The following PPP2R3A variants were observed in gnomAD, a reference collection of about 807,000 sequenced individuals.
PPP2R3A encodes the protein serine/threonine-protein phosphatase 2A regulatory subunit B'' subunit alpha.
A neutral mutation model predicts 106.9 loss-of-function variants in PPP2R3A; 80 were observed. That is an observed-to-expected ratio of 0.75 (90% CI 0.62 to 0.90). The LOEUF is 0.90. Ranked by LOEUF, PPP2R3A falls within the 40% of genes least tolerant of loss-of-function variation. PPP2R3A has a pLI of 0.00. For synonymous variants in PPP2R3A, 483 were observed against 468.3 expected (o/e 1.03, Z -0.41); for missense variants, 1,386 against 1,350.4 (o/e 1.03, Z -0.41).
intron 2 of PPP2R3A, among the ~76,000 whole-genome samples, chr3:136,024,928 G>A (rs1484849295): frequency 1.3e-5 from 2 of 152,252 alleles, no homozygotes; most frequent in East Asian, 3.9e-4. Context: ...TACAGATTTA[G>A]CATTAAGGCA....
intron 2 of PPP2R3A, among the ~76,000 whole-genome samples, chr3:136,021,740 T>G (rs1007702963): frequency 6.6e-6 from 1 of 152,164 alleles, no homozygotes; most frequent in African/African-American, 2.4e-5. Flanking sequence ...ATCAATGTGT[T>G]CTACATCTAG....
In PPP2R3A at chr3:135,968,152, G is replaced by T. The variant is rs373551220; in HGVS notation, c.-441+2303G>T. 2.0e-5 allele frequency among the ~76,000 whole-genome samples: 3 copies of T among 152,244 alleles called. No individual in the cohort carries two copies. The East Asian group carries it at 5.8e-4, about 29-fold the overall frequency. Reference sequence around the variant, plus strand: ...TTATTTATTTAACAGATTTCTGAAGGCCTGTTTTGCCAACTGGACACTAGA... The same window carrying T: ...TTATTTATTTAACAGATTTCTGAAGTCCTGTTTTGCCAACTGGACACTAGA... On this transcript the variant is annotated intron_variant, in intron 1 of 13. Transcript: ENST00000264977.
chr3:135,985,480 C>A (rs1163137335), intron 1 of PPP2R3A, among the ~76,000 whole-genome samples: 2 of 151,914 alleles, frequency 1.3e-5, no homozygotes, highest in Non-Finnish European at 2.9e-5. Flanking sequence ...GAATACAAGC[C>A]CAAGATTAGA....
intron 3 of PPP2R3A, among the ~76,000 whole-genome samples, chr3:136,037,362 C>CA (rs1181197458): frequency 2.0e-5 from 3 of 152,148 alleles, no homozygotes; most frequent in East Asian, 1.9e-4. Context: ...GAATGAATCT[C>CA]AGAGAAATGA....
intron 5 of PPP2R3A, chr3:136,055,626 C>G: frequency 7.4e-7 from 1 of 1,359,820 alleles, no homozygotes; most frequent in Non-Finnish European, 1.0e-6. Context: ...TTAACACCTG[C>G]CTGCCAATGG....
intron 5 of PPP2R3A, among the ~76,000 whole-genome samples, chr3:136,062,679 C>T (rs1276264453): frequency 6.8e-6 from 1 of 147,050 alleles, no homozygotes; most frequent in Admixed American, 6.8e-5. Flanking sequence ...GATCATGCCA[C>T]TGCACTCCAG....
At chr3:136,090,449 T>C in intron 9 of PPP2R3A, 129 bp from the exon 10 acceptor site, 1 of 660,760 alleles carries the variant, frequency 1.5e-6, no homozygotes, top group South Asian at 2.1e-5. Flanking sequence ...GGGTTGCCCT[T>C]TATGAGGCAT....
At chr3:136,005,707 ATACC>A (rs1301571094) in intron 2 of PPP2R3A, among the ~76,000 whole-genome samples, 7 of 152,194 alleles carry the variant, frequency 4.6e-5, no homozygotes, top group African/African-American at 7.2e-5. Context: ...AGGAAAGAAA[ATACC>A]TACATAGCAA....
intron 10 of PPP2R3A, among the ~76,000 whole-genome samples, chr3:136,091,830 C>G (rs1452261330): frequency 1.3e-5 from 2 of 152,018 alleles, no homozygotes; most frequent in African/African-American, 4.8e-5. Context: ...CATATATATG[C>G]TACTCTTTTT....
chr3:136,087,250 T>TCC (rs1331269638), intron 8 of PPP2R3A, among the ~76,000 whole-genome samples: 5 of 91,910 alleles, frequency 5.4e-5, no homozygotes, highest in Non-Finnish European at 1.0e-4. Flanking sequence ...GTCGTGTCTC[T>TCC]CTCTCTCTCT....
chr3:136,059,100 C>T (rs929773060), intron 5 of PPP2R3A, among the ~76,000 whole-genome samples: 2 of 152,098 alleles, frequency 1.3e-5, no homozygotes, highest in African/African-American at 4.8e-5. Context: ...ATGACAAAGA[C>T]ACCAAGAGCA....
intron 5 of PPP2R3A, among the ~76,000 whole-genome samples, chr3:136,065,949 G>T (rs1936252448): frequency 6.6e-6 from 1 of 152,174 alleles, no homozygotes; most frequent in African/African-American, 2.4e-5. Flanking sequence ...TGCTGGAATT[G>T]CAGGTGAATC....
intron 5 of PPP2R3A, among the ~76,000 whole-genome samples, chr3:136,066,309 C>A (rs1936261700): frequency 6.6e-6 from 1 of 151,992 alleles, no homozygotes; most frequent in Non-Finnish European, 1.5e-5. Context: ...ACACTGATAC[C>A]TAAATCAGGA....
At chr3:136,041,253 T>TTTG (rs1935269800) in intron 4 of PPP2R3A, among the ~76,000 whole-genome samples, 1 of 119,354 alleles carries the variant, frequency 8.4e-6, no homozygotes, top group South Asian at 2.8e-4. Context: ...TTTTTTTGTT[T>TTTG]TTTTTTTTGT....
intron 2 of PPP2R3A, among the ~76,000 whole-genome samples, chr3:136,014,552 A>G (rs796114022): frequency 2.6e-5 from 4 of 152,078 alleles, no homozygotes; most frequent in African/African-American, 9.6e-5. Context: ...GGTTAGGTAT[A>G]TTCTTATGTA....
chr3:136,035,568 C>A (rs1170504084), intron 3 of PPP2R3A, among the ~76,000 whole-genome samples: 1 of 152,146 alleles, frequency 6.6e-6, no homozygotes, highest in African/African-American at 2.4e-5. Flanking sequence ...TTCCTTCTAG[C>A]TTGTAGGGCT....
intron 2 of PPP2R3A, among the ~76,000 whole-genome samples, chr3:136,008,354 TCTC>T (rs897846933): frequency 2.6e-5 from 4 of 152,130 alleles, no homozygotes; most frequent in Admixed American, 1.3e-4. Flanking sequence ...GAAACCATTC[TCTC>T]CTCCTCTCAA....
At chr3:135,967,729 C>T (rs962348362) in intron 1 of PPP2R3A, among the ~76,000 whole-genome samples, 1 of 152,110 alleles carries the variant, frequency 6.6e-6, no homozygotes, top group African/African-American at 2.4e-5. Flanking sequence ...ACCCCCCATC[C>T]CCCAAAAAGA....
chr3:136,113,588 C>G (rs775704755), intron 13 of PPP2R3A, among the ~76,000 whole-genome samples: 2 of 152,012 alleles, frequency 1.3e-5, no homozygotes, highest in Admixed American at 6.6e-5. Context: ...GCTAGGAGTT[C>G]GAGACTAGCC....
Sources: gnomAD v4.1 joint callset for allele counts (sites outside exome capture counted in the v4.1 genomes callset) on GRCh38, gnomAD v4.1.1 for gene constraint, MANE v1.5 for transcripts, NCBI Gene and HGNC (gene_info 2026-07-23, HGNC 2026-07-21) for gene names.